Variants in CACNA2D3 observed in about 807,000 individuals in gnomAD.
CACNA2D3 encodes the protein calcium voltage-gated channel auxiliary subunit alpha2delta 3.
Under a neutral mutation model 160.6 loss-of-function variants are expected in CACNA2D3, and 60 were observed. That is an observed-to-expected ratio of 0.37 (90% confidence interval 0.30 to 0.46). The LOEUF (loss-of-function observed/expected upper bound fraction) is 0.46. Among genes scored for constraint, CACNA2D3 ranks in the 20% least tolerant of loss-of-function variants. The pLI is 1.00. For missense variants in CACNA2D3, 1,205 were observed against 1,365.0 expected (o/e 0.88, Z 1.85); for synonymous variants, 558 against 492.9 (o/e 1.13, Z -1.75).
intron 4 of CACNA2D3, among the ~76,000 whole-genome samples, chr3:54,479,380 T>G (rs772040406): frequency 6.6e-6 from 1 of 152,190 alleles, no homozygotes; most frequent in Non-Finnish European, 1.5e-5. Flanking sequence ...GTTCATGATT[T>G]CAGACATTGA....
At chr3:54,835,888 C>T (rs994249595) in intron 14 of CACNA2D3, among the ~76,000 whole-genome samples, 18 of 152,150 alleles carry the variant, frequency 1.2e-4, no homozygotes, top group African/African-American at 4.3e-4. Context: ...CTTCCATATG[C>T]CAGGTACCAT....
Position 55,073,869 on chromosome 3 carries a change from A to G in CACNA2D3, c.3183+10A>G. 6.2e-7 allele frequency: 1 copy of G among 1,608,190 alleles called. No homozygotes were observed. Among genetic ancestry groups the G allele is most frequent in the Non-Finnish European group, 8.5e-7 (1 of 1,174,958 alleles). The stretch of plus-strand genomic sequence containing the variant: ...TGGCTTCCATCCTGAGGTAAGTCTG[A>G]GAACTGTTCCTGTTTCCTTTTCCCA... On this transcript the variant is annotated intron_variant, in intron 37 of 37. Coordinates refer to ENST00000474759, the MANE Select transcript of CACNA2D3 (RefSeq NM_018398.3).
intron 35 of CACNA2D3, among the ~76,000 whole-genome samples, chr3:55,029,115 C>T (rs1283884761): frequency 6.6e-6 from 1 of 152,138 alleles, no homozygotes; most frequent in Non-Finnish European, 1.5e-5. Flanking sequence ...TCAGTGAGTG[C>T]CCTGCAGGTG....
intron 27 of CACNA2D3, among the ~76,000 whole-genome samples, chr3:54,902,154 A>T (rs1700347276): frequency 6.6e-6 from 1 of 152,170 alleles, no homozygotes; most frequent in East Asian, 1.9e-4. Context: ...GTTAAAGTGG[A>T]ACTCTTCTGA....
intron 3 of CACNA2D3, among the ~76,000 whole-genome samples, chr3:54,348,752 G>A (rs920298536): frequency 5.3e-5 from 8 of 151,858 alleles, no homozygotes; most frequent in Admixed American, 1.3e-4. Flanking sequence ...TTTTTGAGAC[G>A]GAGTCTCGCT....
At chr3:55,064,070 C>T (rs1374740157) in intron 35 of CACNA2D3, among the ~76,000 whole-genome samples, 2 of 152,200 alleles carry the variant, frequency 1.3e-5, no homozygotes, top group East Asian at 3.9e-4. Flanking sequence ...TGGCCCAGTG[C>T]TTAAGGAGCC....
chr3:54,816,766 A>G, intron 13 of CACNA2D3, 87 bp from the exon 14 acceptor site: 2 of 1,504,652 alleles, frequency 1.3e-6, no homozygotes, highest in South Asian at 1.2e-5. Flanking sequence ...CCATTTGCAA[A>G]TGGCAAGAAA....
At chr3:54,597,204 G>A (rs1309456482) in intron 9 of CACNA2D3, among the ~76,000 whole-genome samples, 1 of 152,084 alleles carries the variant, frequency 6.6e-6, no homozygotes, top group South Asian at 2.1e-4. Flanking sequence ...AGGCCTTGCT[G>A]CCTCTCTGTC....
chr3:54,722,687 C>T (rs1460561957), intron 11 of CACNA2D3, among the ~76,000 whole-genome samples: 1 of 152,312 alleles, frequency 6.6e-6, no homozygotes, highest in Non-Finnish European at 1.5e-5. Flanking sequence ...TGGAGGTCCA[C>T]TCCCGACCCT....
rs149573148 is a variant in CACNA2D3 at position 54,516,807 on chromosome 3, G to A, written c.544+13153G>A. 5.9e-3 allele frequency among the ~76,000 whole-genome samples: 898 copies of A among 152,298 alleles called. 9 individuals are homozygous for A. Among genetic ancestry groups the A allele is most frequent in the African/African-American group, 0.019 (802 of 41,564 alleles). ...AGACTTTTCTGGGGTAGATTTTCAT[G>A]TTCTCTACTCACTGCTATCAAAGGC... On this transcript the variant is annotated intron_variant, in intron 5 of 37. Coordinates refer to ENST00000474759, the MANE Select transcript of CACNA2D3 (RefSeq NM_018398.3).
At chr3:54,227,099 G>A (rs73087956) in intron 2 of CACNA2D3, among the ~76,000 whole-genome samples, 4,842 of 152,268 alleles carry the variant, frequency 0.032, 109 homozygotes, top group Non-Finnish European at 0.049. Context: ...TGTGAAGATG[G>A]CAGAACATGT....
At chr3:54,429,695 C>T (rs1699960706) in intron 4 of CACNA2D3, among the ~76,000 whole-genome samples, 1 of 152,132 alleles carries the variant, frequency 6.6e-6, no homozygotes, top group Non-Finnish European at 1.5e-5. Context: ...AAGTCCCATG[C>T]CTACCCTTGG....
chr3:54,410,090 C>A (rs894178966), intron 4 of CACNA2D3, among the ~76,000 whole-genome samples: 2 of 152,130 alleles, frequency 1.3e-5, no homozygotes, highest in African/African-American at 4.8e-5. Flanking sequence ...GTGGCTCACA[C>A]CTGTAATCCT....
At chr3:54,656,504 G>A (rs558329051) in intron 11 of CACNA2D3, among the ~76,000 whole-genome samples, 6 of 152,296 alleles carry the variant, frequency 3.9e-5, no homozygotes, top group East Asian at 1.9e-4. Context: ...TGAACTCATC[G>A]GGCGAGCTGT....
At chr3:54,852,153 C>T (rs1699072390) in intron 17 of CACNA2D3, among the ~76,000 whole-genome samples, 1 of 152,250 alleles carries the variant, frequency 6.6e-6, no homozygotes, top group South Asian at 2.1e-4. Context: ...TCCCTCCCTC[C>T]CAGGCTGTAG....
intron 27 of CACNA2D3, among the ~76,000 whole-genome samples, chr3:54,915,064 C>T (rs1331275556): frequency 6.6e-6 from 1 of 152,156 alleles, no homozygotes; most frequent in Non-Finnish European, 1.5e-5. Flanking sequence ...CACAGACCTT[C>T]AGGAAGAAAT....
chr3:54,496,505 A>C (rs2106931727), intron 4 of CACNA2D3, among the ~76,000 whole-genome samples: 1 of 152,290 alleles, frequency 6.6e-6, no homozygotes, highest in African/African-American at 2.4e-5. Context: ...TAATATTTTC[A>C]GTTGAGCTAC....
intron 4 of CACNA2D3, among the ~76,000 whole-genome samples, chr3:54,441,018 G>C (rs1347629612): frequency 6.6e-6 from 1 of 151,958 alleles, no homozygotes; most frequent in Non-Finnish European, 1.5e-5. Flanking sequence ...GGGATGGCTG[G>C]GTCAAATGGT....
intron 4 of CACNA2D3, among the ~76,000 whole-genome samples, chr3:54,452,595 C>T (rs949348605): frequency 1.3e-5 from 2 of 152,184 alleles, no homozygotes; most frequent in Admixed American, 1.3e-4. Context: ...TTCCATTACC[C>T]AATCCAAAGC....
Sources: allele counts gnomAD v4.1 joint callset (sites outside exome capture counted in the v4.1 genomes callset), GRCh38; gene constraint gnomAD v4.1.1; transcripts MANE v1.5; gene names NCBI Gene and HGNC (gene_info 2026-07-23, HGNC 2026-07-21).